Variants in OTUD7B observed in about 807,000 individuals in gnomAD.
OTUD7B encodes OTU domain-containing protein 7B.
In OTUD7B, 34 loss-of-function variants were observed where a neutral mutation model predicts 82.2. The ratio of observed to expected loss-of-function variants is 0.41; its 90% CI spans 0.31 to 0.55. The LOEUF (loss-of-function observed/expected upper bound fraction) is 0.55, where lower values mean the gene tolerates loss of function less well. Among genes scored for constraint, OTUD7B ranks in the 20% least tolerant of loss-of-function variants. OTUD7B has a pLI of 0.20. For synonymous variants in OTUD7B, 398 were observed against 402.7 expected (o/e 0.99, Z 0.14); for missense variants, 944 against 1,062.1 (o/e 0.89, Z 1.55).
chr1:150,038,545 C>A, the OTUD7B span, among the ~76,000 whole-genome samples: 1 of 151,794 alleles, frequency 6.6e-6, no homozygotes, highest in Non-Finnish European at 1.5e-5. Context: ...CACCGCCACA[C>A]CTGGCTAATT....
At chr1:149,967,737 C>T (rs1269305264) in intron 3 of OTUD7B, among the ~76,000 whole-genome samples, 1 of 152,180 alleles carries the variant, frequency 6.6e-6, no homozygotes, top group Non-Finnish European at 1.5e-5. Flanking sequence ...CCAAATTATT[C>T]ATTCCTCTTT....
intron 7 of OTUD7B, among the ~76,000 whole-genome samples, chr1:149,954,809 C>G (rs587733738): frequency 7.9e-5 from 12 of 152,174 alleles, no homozygotes; most frequent in African/African-American, 2.9e-4. Context: ...ATTTCTTCTA[C>G]ATTTTCTAGT....
chr1:149,943,445 A>C lies in OTUD7B; in HGVS notation c.*412T>G, dbSNP rs1367478680. 1 of 173,360 alleles carries C rather than the reference A, an allele frequency of 5.8e-6. No individual in the cohort carries two copies. The highest frequency in any genetic ancestry group is 1.2e-5 in the Non-Finnish European group (1 of 81,854). 10.7% of individuals were successfully genotyped at this position (173,360 alleles called of 1,614,324 possible). A position where few individuals can be genotyped will look rare whatever the true frequency, so the allele number is the denominator to read the frequency against. The stretch of plus-strand genomic sequence containing the variant: ...TCACTCCACCATGTGCTTTTTCCCA[A>C]CCTAAAGAACTTTGGTTTTATTGAC... On this transcript the variant is annotated 3_prime_UTR_variant, in exon 12 of 12. Transcript: ENST00000581312.
At chr1:150,041,456 C>A in the OTUD7B span, among the ~76,000 whole-genome samples, 1 of 152,180 alleles carries the variant, frequency 6.6e-6, no homozygotes, top group Non-Finnish European at 1.5e-5. Flanking sequence ...CCTCAGCCTC[C>A]AGAGTAGCTG....
At chr1:150,015,026 C>G (rs1653226424), upstream of OTUD7B, among the ~76,000 whole-genome samples, 1 of 152,156 alleles carries the variant, frequency 6.6e-6, no homozygotes, top group Non-Finnish European at 1.5e-5. Flanking sequence ...GATTCTGACA[C>G]TCCATTAGCT....
the OTUD7B span, among the ~76,000 whole-genome samples, chr1:150,037,747 G>A: frequency 1.3e-5 from 2 of 151,876 alleles, no homozygotes; most frequent in African/African-American, 4.8e-5. Context: ...ATGCCACCAT[G>A]CCCAACTAAT....
chr1:150,043,510 G>T, the OTUD7B span, among the ~76,000 whole-genome samples: 23,791 of 151,978 alleles, frequency 0.16, 2,033 homozygotes, highest in African/African-American at 0.19. Context: ...GGAAAAGATT[G>T]CCAACAATTT....
chr1:149,938,211 A>C lies in OTUD7B; in HGVS notation c.*5646T>G, dbSNP rs2092738990. Reference sequence around the variant, plus strand: ...CGCAGTGGCTCACGCCTGTAATCCCAAGCATTTTGGAAGGCCAAGGCAGGC... The same window carrying C: ...CGCAGTGGCTCACGCCTGTAATCCCCAGCATTTTGGAAGGCCAAGGCAGGC... On this transcript the variant is annotated 3_prime_UTR_variant, in exon 12 of 12. Coordinates refer to ENST00000581312, the MANE Select transcript of OTUD7B (RefSeq NM_020205.4). 6.6e-6 allele frequency: 1 copy of C among 152,128 alleles called. No individual in the cohort carries two copies. Among genetic ancestry groups the C allele is most frequent in the Non-Finnish European group, 1.5e-5 (1 of 68,054 alleles). 9.4% of individuals were successfully genotyped at this position (152,128 alleles called of 1,614,324 possible).
chr1:149,973,341 T>C (rs587642646), intron 2 of OTUD7B, among the ~76,000 whole-genome samples: 1 of 152,318 alleles, frequency 6.6e-6, no homozygotes, highest in African/African-American at 2.4e-5. Flanking sequence ...GGAGGCTCAC[T>C]TGAGCTCAGG....
chr1:150,042,711 C>G, the OTUD7B span, among the ~76,000 whole-genome samples: 1 of 152,128 alleles, frequency 6.6e-6, no homozygotes, highest in African/African-American at 2.4e-5. Context: ...GTCTTTCCCA[C>G]TTAGCTGAGG....
At chr1:150,019,743 G>A in the OTUD7B span, among the ~76,000 whole-genome samples, 13 of 152,172 alleles carry the variant, frequency 8.5e-5, no homozygotes, top group East Asian at 1.7e-3. Context: ...CATTATTCAC[G>A]TGGTTGGCAC....
At chr1:149,975,563 G>A (rs1553778374) in intron 2 of OTUD7B, among the ~76,000 whole-genome samples, 1 of 152,188 alleles carries the variant, frequency 6.6e-6, no homozygotes, top group African/African-American at 2.4e-5. Flanking sequence ...ATGCAGAAAG[G>A]TTAAGGATTT....
At chr1:150,036,955 T>G in the OTUD7B span, among the ~76,000 whole-genome samples, 2 of 152,200 alleles carry the variant, frequency 1.3e-5, no homozygotes, top group African/African-American at 4.8e-5. Context: ...GTATAAACAC[T>G]CAGCTGTCTA....
At chr1:149,979,537 A>C (rs1650570957) in intron 1 of OTUD7B, among the ~76,000 whole-genome samples, 2 of 152,224 alleles carry the variant, frequency 1.3e-5, no homozygotes, top group African/African-American at 4.8e-5. Flanking sequence ...ATGATCTATG[A>C]TCTTTGACTA....
chr1:150,060,690 C>A, the OTUD7B span, among the ~76,000 whole-genome samples: 3 of 152,196 alleles, frequency 2.0e-5, no homozygotes, highest in African/African-American at 7.2e-5. Flanking sequence ...GACTTTCCAC[C>A]AGTAAAGTCA....
chr1:150,016,302 T>G, the OTUD7B span, among the ~76,000 whole-genome samples: 1 of 152,178 alleles, frequency 6.6e-6, no homozygotes, highest in Non-Finnish European at 1.5e-5. Context: ...CCCAGCCTGG[T>G]CTTAACTCCA....
At chr1:149,950,052 G>A (rs782750160) in intron 8 of OTUD7B, 42 bp downstream of exon 8, 1 of 1,610,400 alleles carries the variant, frequency 6.2e-7, no homozygotes, top group Admixed American at 1.7e-5. Flanking sequence ...CTTTGCAAAA[G>A]GGGGTGCTCA....
rs782476853 is a variant in OTUD7B at position 149,950,197 on chromosome 1, T to C, written c.870A>G (p.Val290=). 1 of 1,614,158 alleles carries C rather than the reference T, an allele frequency of 6.2e-7. No individual in the cohort carries two copies. The part of the protein sequence containing the change: ...CGGVESSEEP[V]YESLEEFHVF... ...CGTGAAACTCTTCAAGGCTCTCATA[T>C]ACAGGCTCCTCAGAACTCTCCACCC... The change falls in exon 8 of 12, where the codon GTA becomes GTG. Residue 290 remains valine (V), a synonymous_variant. Transcript: ENST00000581312.
the OTUD7B span, among the ~76,000 whole-genome samples, chr1:150,062,708 C>CTTTTTTTTTTT: frequency 1.4e-3 from 131 of 96,028 alleles, no homozygotes; most frequent in African/African-American, 1.7e-3. Flanking sequence ...CTTCTTCTTT[C>CTTTTTTTTTTT]TTTTTTTTTT....
Sources: allele counts gnomAD v4.1 joint callset (sites outside exome capture counted in the v4.1 genomes callset), GRCh38; gene constraint gnomAD v4.1.1; transcripts MANE v1.5; gene names NCBI Gene and HGNC (gene_info 2026-07-23, HGNC 2026-07-21).